PPFIA1: variants seen among roughly 807,000 people sequenced by gnomAD.
PPFIA1 encodes PPFI scaffold protein A1.
Under a neutral mutation model 149.9 loss-of-function variants are expected in PPFIA1, and 25 were observed. That is an observed-to-expected ratio of 0.17 (90% confidence interval 0.12 to 0.23). The LOEUF is 0.23. Ranked by LOEUF, PPFIA1 falls within the 10% of genes least tolerant of loss-of-function variation. PPFIA1 has a pLI of 1.00. For missense variants in PPFIA1, 1,362 were observed against 1,506.5 expected, an observed-to-expected ratio of 0.90 and a Z score of 1.59; for synonymous variants, 549 against 552.8, an observed-to-expected ratio of 0.99 and a Z score of 0.10.
intron 11 of PPFIA1, among the ~76,000 whole-genome samples, 154 bp from the exon 12 acceptor site, chr11:70,337,211 C>G (rs751098611): frequency 2.0e-5 from 3 of 151,712 alleles, no homozygotes; most frequent in Non-Finnish European, 2.9e-5. Flanking sequence ...CGCCGCCTCA[C>G]GGTCTAACCC....
chr11:70,312,015 A>G (rs757187169), intron 2 of PPFIA1, among the ~76,000 whole-genome samples: 80 of 149,128 alleles, frequency 5.4e-4, no homozygotes, highest in Non-Finnish European at 1.0e-3. Flanking sequence ...GCTATTTTCT[A>G]TATTTCTATT....
chr11:70,272,545 G>A (rs1039521840), intron 2 of PPFIA1, 109 bp downstream of exon 2: 1 of 1,282,900 alleles, frequency 7.8e-7, no homozygotes, highest in South Asian at 1.5e-5. Context: ...AACGATTTGT[G>A]AAATGATAGT....
At chr11:70,344,547 G>A (rs770100654) in intron 15 of PPFIA1, among the ~76,000 whole-genome samples, 25 of 152,218 alleles carry the variant, frequency 1.6e-4, no homozygotes, top group Non-Finnish European at 2.2e-4. Flanking sequence ...ATCACCTGCC[G>A]CATGTGCAGC....
In PPFIA1 at chr11:70,372,574, G is replaced by A. The variant is rs758369593; in HGVS notation, c.3139G>A (p.Asp1047Asn). The change falls in exon 23 of 28, where the codon GAC becomes AAC. Residue 1047 changes from aspartate (D) to asparagine (N), a missense_variant and splice_region_variant. Around this residue, in one of 7 missense-constraint regions of PPFIA1, gnomAD observed 349 missense variants for 373.3 expected, o/e 0.93. Transcript: ENST00000253925. ...AGAAGAAAGTCAGAGTGAAATAAAA[G>A]GTTAGTACATGACATTTAATTGATT... ...KREESQSEIKDVLVWSNDRVI... is the reference protein window; with the variant it reads ...KREESQSEIKNVLVWSNDRVI... 3 of 1,603,412 alleles carry A rather than the reference G, an allele frequency of 1.9e-6. No homozygotes were observed. Among genetic ancestry groups the A allele is most frequent in the Non-Finnish European group, 1.7e-6 (2 of 1,171,762 alleles).
At chr11:70,275,819 G>T (rs1035885478) in intron 2 of PPFIA1, among the ~76,000 whole-genome samples, 1 of 152,068 alleles carries the variant, frequency 6.6e-6, no homozygotes, top group African/African-American at 2.4e-5. Context: ...TCTGTCTTGA[G>T]ATCTGGTAAT....
At chr11:70,357,761 G>T (rs1306586083) in intron 19 of PPFIA1, among the ~76,000 whole-genome samples, 1 of 151,978 alleles carries the variant, frequency 6.6e-6, no homozygotes, top group African/African-American at 2.4e-5. Context: ...CTAATTTTTT[G>T]TATTTTTAGT....
At chr11:70,284,772 A>G (rs1402713621) in intron 2 of PPFIA1, among the ~76,000 whole-genome samples, 2 of 152,140 alleles carry the variant, frequency 1.3e-5, no homozygotes, top group African/African-American at 4.8e-5. Flanking sequence ...GGGAGAGCTT[A>G]GCATTTAGCT....
At position 70,376,577 on chromosome 11, in the gene PPFIA1, G is replaced by A. The variant is rs1292048563; in HGVS notation, c.3361G>A (p.Gly1121Arg). ...EREFNNLLVM[G>R]TDRRFDEDDD... ...AGAATTTAACAACCTTTTGGTCATG[G>A]GGACTGATAGAAGGTTTGATGAAGT... Residue 1121 changes from glycine to arginine, a missense_variant, in exon 25 of 28, where the codon GGG becomes AGG. Coordinates refer to ENST00000253925, the MANE Select transcript of PPFIA1 (RefSeq NM_003626.5). 1.2e-6 allele frequency: 2 copies of A among 1,613,820 alleles called. No homozygotes were observed. The highest frequency in any genetic ancestry group is 2.7e-5 in the African/African-American group (2 of 75,042).
chr11:70,381,705 G>C (rs1383550320), intron 26 of PPFIA1, among the ~76,000 whole-genome samples: 1 of 152,240 alleles, frequency 6.6e-6, no homozygotes, highest in Non-Finnish European at 1.5e-5. Context: ...TCATACCAGT[G>C]TTAGAGATGG....
At chr11:70,272,538 G>A (rs1399067498) in intron 2 of PPFIA1, 102 bp downstream of exon 2, 9 of 1,332,062 alleles carry the variant, frequency 6.8e-6, no homozygotes, top group Admixed American at 2.3e-5. Flanking sequence ...TTTCCGTAAC[G>A]ATTTGTGAAA....
chr11:70,340,748 T>A (rs2055279488), intron 14 of PPFIA1, among the ~76,000 whole-genome samples: 1 of 151,964 alleles, frequency 6.6e-6, no homozygotes, highest in African/African-American at 2.4e-5. Context: ...TGGAACAAAT[T>A]ACTACGGAGC....
chr11:70,275,206 A>G (rs988288415), intron 2 of PPFIA1, among the ~76,000 whole-genome samples: 4 of 152,226 alleles, frequency 2.6e-5, no homozygotes, highest in African/African-American at 9.6e-5. Flanking sequence ...GAACATGCAG[A>G]GGTAAAGCAT....
chr11:70,321,589 G>A (rs1237848717), intron 2 of PPFIA1, among the ~76,000 whole-genome samples: 1 of 151,930 alleles, frequency 6.6e-6, no homozygotes, highest in Non-Finnish European at 1.5e-5. Context: ...TTGCCCAAAA[G>A]GAAACAAGAG....
chr11:70,317,161 T>C (rs553278175), intron 2 of PPFIA1, among the ~76,000 whole-genome samples: 2 of 152,350 alleles, frequency 1.3e-5, no homozygotes, highest in South Asian at 4.1e-4. Context: ...CTTAACATTT[T>C]TTTTTCCTAA....
intron 2 of PPFIA1, among the ~76,000 whole-genome samples, chr11:70,319,545 G>A (rs1253837290): frequency 6.6e-6 from 1 of 152,194 alleles, no homozygotes; most frequent in African/African-American, 2.4e-5. Context: ...CAGCCCGGGG[G>A]TAGCAGTGCT....
chr11:70,293,420 G>T (rs1003236381), intron 2 of PPFIA1, among the ~76,000 whole-genome samples: 11 of 152,268 alleles, frequency 7.2e-5, no homozygotes, highest in African/African-American at 2.6e-4. Flanking sequence ...TTGCTAACCT[G>T]CAATTTCGTT....
At chr11:70,371,497 T>C in intron 21 of PPFIA1, 4 of 161,828 alleles carry the variant, frequency 2.5e-5, no homozygotes, top group African/African-American at 9.6e-5. Context: ...TATCTTCTGT[T>C]GTTGGGTGGC....
intron 21 of PPFIA1, 157 bp from the exon 22 acceptor site, chr11:70,372,058 A>G (rs1331072552): frequency 1.9e-6 from 1 of 516,062 alleles, no homozygotes; most frequent in Non-Finnish European, 3.1e-6. Context: ...AACAAATTTA[A>G]AAGGTGAGAA....
intron 2 of PPFIA1, among the ~76,000 whole-genome samples, chr11:70,289,215 C>G (rs965632174): frequency 6.6e-6 from 1 of 152,038 alleles, no homozygotes. Flanking sequence ...CAGAACTCCA[C>G]CTGTCTTGGC....
Sources: gnomAD v4.1 joint callset for allele counts (sites outside exome capture counted in the v4.1 genomes callset) on GRCh38, gnomAD v4.1.1 for gene constraint, gnomAD v4.1.1 regional missense constraint, MANE v1.5 for transcripts, NCBI Gene and HGNC (gene_info 2026-07-23, HGNC 2026-07-21) for gene names.